RFTN2: variants seen among roughly 807,000 people sequenced by gnomAD.
RFTN2 encodes the protein raftlin family member 2, also known as raftlin-2.
RFTN2 carries 34 observed loss-of-function variants against 52.7 expected under a neutral mutation model. That is an observed-to-expected ratio of 0.64 (90% CI 0.49 to 0.86). The LOEUF is 0.86. Ranked by LOEUF, RFTN2 falls within the 40% of genes least tolerant of loss-of-function variation. RFTN2 has a pLI of 0.00. For synonymous variants in RFTN2, 203 were observed against 217.7 expected (o/e 0.93, Z 0.59); for missense variants, 536 against 600.1 (o/e 0.89, Z 1.12).
intron 1 of RFTN2, among the ~76,000 whole-genome samples, chr2:197,665,299 T>C (rs2089035796): frequency 6.6e-6 from 1 of 152,166 alleles, no homozygotes; most frequent in South Asian, 2.1e-4. Flanking sequence ...TTATAATAAA[T>C]AAATCCAATG....
intron 8 of RFTN2, among the ~76,000 whole-genome samples, chr2:197,586,165 C>A (rs2087594018): frequency 1.3e-5 from 2 of 152,216 alleles, no homozygotes; most frequent in South Asian, 4.1e-4. Context: ...TCACTCCAAC[C>A]TTGGCTACCT....
At chr2:197,671,565 C>G (rs971225322) in intron 1 of RFTN2, among the ~76,000 whole-genome samples, 3 of 152,196 alleles carry the variant, frequency 2.0e-5, no homozygotes, top group African/African-American at 7.2e-5. Context: ...TGACCTTGTC[C>G]AGTTTGACCG....
At chr2:197,593,085 T>C (rs2087743432) in intron 8 of RFTN2, among the ~76,000 whole-genome samples, 1 of 152,218 alleles carries the variant, frequency 6.6e-6, no homozygotes, top group African/African-American at 2.4e-5. Context: ...AGAAGAGGAA[T>C]TGTAAGTTAT....
intron 5 of RFTN2, among the ~76,000 whole-genome samples, chr2:197,621,350 A>G (rs565918484): frequency 1.3e-5 from 2 of 149,680 alleles, no homozygotes; most frequent in South Asian, 4.2e-4. Context: ...GCACTAGCAC[A>G]GTCCCACCTT....
chr2:197,633,665 C>T (rs1487094787), intron 4 of RFTN2, 53 bp downstream of exon 4: 3 of 1,463,214 alleles, frequency 2.1e-6, no homozygotes, highest in African/African-American at 2.8e-5. Context: ...ACCTCAAAAA[C>T]TTATTTTGCT....
In RFTN2 at chr2:197,646,496, G is replaced by A. The variant is rs752659277; in HGVS notation, c.310C>T (p.Arg104Cys). The part of the protein sequence containing the change: ...ASYLYRVVLL[R>C]LKLSPKNSAA... ...TAGTGTGCTTACCTTAATTTCAAGC[G>A]CAATAGCACCACTCTGTATAGGTAA... Residue 104 changes from arginine (R) to cysteine (C), a missense_variant, in exon 2 of 9, where the codon CGC (arginine) becomes TGC (cysteine). By Grantham distance (180) the Arg-to-Cys change is radical. Transcript: ENST00000295049. The A allele has an allele frequency of 9.3e-6, 15 of 1,612,302 alleles. No homozygotes were observed. Among genetic ancestry groups the A allele is most frequent in the South Asian group, 4.4e-5 (4 of 90,646 alleles).
chr2:197,609,526 A>G (rs961305640), intron 7 of RFTN2, among the ~76,000 whole-genome samples: 1 of 152,106 alleles, frequency 6.6e-6, no homozygotes, highest in Non-Finnish European at 1.5e-5. Context: ...CAGATTCTGG[A>G]TATTAGCCCT....
intron 7 of RFTN2, among the ~76,000 whole-genome samples, chr2:197,597,466 C>T (rs958107867): frequency 1.3e-5 from 2 of 152,110 alleles, no homozygotes; most frequent in Non-Finnish European, 2.9e-5. Context: ...TGTCATAGTA[C>T]CTAATAGCTG....
At position 197,640,537 on chromosome 2, in the gene RFTN2, G is replaced by A. The variant is rs535134690; in HGVS notation, c.438+3621C>T. On this transcript the variant is annotated intron_variant, in intron 3 of 8. Coordinates refer to ENST00000295049, the MANE Select transcript of RFTN2 (RefSeq NM_144629.3). Reference sequence around the variant, plus strand: ...CACCCCTTTCTTTGACTCGGAAAGGGAACTCCCTGACCCCTTGCGCTTCCC... The same window carrying A: ...CACCCCTTTCTTTGACTCGGAAAGGAAACTCCCTGACCCCTTGCGCTTCCC... Among the ~76,000 whole-genome samples, 96 of 152,336 alleles carry A rather than the reference G, an allele frequency of 6.3e-4. 1 individual carries two copies. The highest frequency in any genetic ancestry group is 2.3e-3 in the African/African-American group (94 of 41,584).
At chr2:197,572,351 A>G in intron 8 of RFTN2, 71 bp from the exon 9 acceptor site, 2 of 1,462,990 alleles carry the variant, frequency 1.4e-6, no homozygotes, top group Non-Finnish European at 1.9e-6. Context: ...GGTCTAGCAC[A>G]TGCTGCCTTT....
At position 197,638,568 on chromosome 2, in the gene RFTN2, C is replaced by T. The variant is rs1055229906; in HGVS notation, c.439-4571G>A. Among the ~76,000 whole-genome samples, 10 of 111,210 alleles carry T rather than the reference C, an allele frequency of 9.0e-5. 1 individual carries two copies. In the East Asian group the frequency reaches 2.2e-3, roughly 24 times the overall value. The allele number at this position is 111,210 out of a possible 152,430, so 73.0% of individuals were successfully genotyped here. ...CAGAGACTAGGATTGCAACCCTTGC[C>T]TTTTTTTGTTTTCCATTTGCTTGGT... On this transcript the variant is annotated intron_variant, in intron 3 of 8. Transcript: ENST00000295049.
chr2:197,576,945 G>A (rs927597686), intron 8 of RFTN2, among the ~76,000 whole-genome samples: 15 of 152,188 alleles, frequency 9.9e-5, no homozygotes, highest in African/African-American at 3.6e-4. Flanking sequence ...GGGCAAACCT[G>A]CCTCCCATTC....
chr2:197,631,132 T>C lies in RFTN2; in HGVS notation c.807A>G (p.Lys269=). The C allele has an allele frequency of 6.2e-7, 1 of 1,613,604 alleles. No homozygotes were observed. ...TAATGACTGATCCTTTTCTTGTTAC[T>C]TTCATTGACAGGATGCCTTCCTGAT... ...WAYQEGILSM[K]VTRKGSVIST... Residue 269 remains lysine, a synonymous_variant, in exon 5 of 9, where the codon AAA becomes AAG. Transcript: ENST00000295049.
rs1367845690 is a variant in RFTN2 at position 197,633,914 on chromosome 2, G to C, written c.522C>G (p.Thr174=). The C allele has an allele frequency of 1.9e-6, 3 of 1,613,330 alleles. No individual in the cohort carries two copies. The highest frequency in any genetic ancestry group is 2.2e-5 in the South Asian group (2 of 91,062). The change falls in exon 4 of 9, where the codon ACC becomes ACG. Residue 174 remains threonine (T), a synonymous_variant. Transcript: ENST00000295049. ...HYSPSKFCNG[T]NHDGDIESML... Reference sequence around the variant, plus strand: ...TCGATTCTATATCTCCATCATGGTTGGTTCCATTGCAGAATTTAGATGGAG... The same window carrying C: ...TCGATTCTATATCTCCATCATGGTTCGTTCCATTGCAGAATTTAGATGGAG...
chr2:197,572,663 A>G (rs1271797282), intron 8 of RFTN2, among the ~76,000 whole-genome samples: 2 of 152,188 alleles, frequency 1.3e-5, no homozygotes, highest in African/African-American at 4.8e-5. Context: ...AGATCTATAC[A>G]GCAGAAAAGG....
At chr2:197,604,381 ATAG>A (rs2087926239) in intron 7 of RFTN2, among the ~76,000 whole-genome samples, 3 of 152,388 alleles carry the variant, frequency 2.0e-5, no homozygotes, top group Non-Finnish European at 4.4e-5. Flanking sequence ...GGACACATAC[ATAG>A]TAGAATGAAT....
intron 8 of RFTN2, among the ~76,000 whole-genome samples, chr2:197,585,172 C>T (rs576375705): frequency 6.6e-5 from 10 of 152,306 alleles, no homozygotes; most frequent in Non-Finnish European, 1.5e-5. Flanking sequence ...AGTAATAACC[C>T]TCATGAGCCT....
intron 1 of RFTN2, among the ~76,000 whole-genome samples, chr2:197,670,732 TA>T (rs77051751): frequency 0.2 from 30,929 of 152,138 alleles, 3,245 homozygotes; most frequent in Middle Eastern, 0.28. Flanking sequence ...TGTGCATCTA[TA>T]AACTGCCTCT....
At chr2:197,617,699 A>T in intron 6 of RFTN2, 101 bp downstream of exon 6, 1 of 434,598 alleles carries the variant, frequency 2.3e-6, no homozygotes, top group Non-Finnish European at 3.2e-6. Flanking sequence ...AAAAACAAAA[A>T]CAAACAAACA....
Sources: allele counts gnomAD v4.1 joint callset (sites outside exome capture counted in the v4.1 genomes callset), GRCh38; gene constraint gnomAD v4.1.1; transcripts MANE v1.5; gene names NCBI Gene and HGNC (gene_info 2026-07-23, HGNC 2026-07-21).